Variants in ANKRD36 observed in about 807,000 individuals in gnomAD.
ANKRD36 encodes ankyrin repeat domain-containing protein 36A.
In ANKRD36, 179 loss-of-function variants were observed where a neutral mutation model predicts 278.1. That is an observed-to-expected ratio of 0.64 (90% CI 0.57 to 0.73). The LOEUF (loss-of-function observed/expected upper bound fraction) is 0.73, where lower values mean the gene tolerates loss of function less well. Ranked by LOEUF, ANKRD36 falls within the 30% of genes least tolerant of loss-of-function variation. The pLI is 0.00. For missense variants in ANKRD36, 1,159 were observed against 1,956.7 expected, an observed-to-expected ratio of 0.59 and a Z score of 7.69; for synonymous variants, 320 against 641.1, an observed-to-expected ratio of 0.50 and a Z score of 7.57.
chr2:97,160,424 A>C (rs981860252), intron 17 of ANKRD36, among the ~76,000 whole-genome samples: 1 of 152,146 alleles, frequency 6.6e-6, no homozygotes, highest in African/African-American at 2.4e-5. Flanking sequence ...AAGCATTATT[A>C]ACTTTAGTAT....
At chr2:97,261,072 A>C (rs1289776627) in intron 75 of ANKRD36, among the ~76,000 whole-genome samples, 1 of 125,758 alleles carries the variant, frequency 8.0e-6, no homozygotes, top group African/African-American at 3.5e-5. Context: ...CACATCAGCA[A>C]TAATACCATT....
intron 28 of ANKRD36, among the ~76,000 whole-genome samples, chr2:97,184,947 G>A (rs1427742023): frequency 6.6e-6 from 1 of 151,724 alleles, no homozygotes; most frequent in African/African-American, 2.4e-5. Flanking sequence ...TACCTTGCAT[G>A]AAAGACATGG....
chr2:97,142,231 A>G (rs548125872), intron 6 of ANKRD36, among the ~76,000 whole-genome samples: 1 of 152,398 alleles, frequency 6.6e-6, no homozygotes, highest in African/African-American at 2.4e-5. Flanking sequence ...TGGTTGTAGT[A>G]TAATGGTGTA....
chr2:97,213,130 G>T, intron 58 of ANKRD36: 1 of 380,142 alleles, frequency 2.6e-6, no homozygotes, highest in South Asian at 2.9e-5. Flanking sequence ...GATCACATTT[G>T]TCCTCATCAC....
rs748358803 is a variant in ANKRD36, at chr2:97,202,337, A to T, written c.2903A>T (p.Glu968Val). ...PPALKGTSDEEDSVLGIAREN... is the reference protein window; with the variant it reads ...PPALKGTSDEVDSVLGIAREN... Reference sequence around the variant, plus strand: ...TCCATTCAGGGTACAAGTGACGAGGAAGATTCTGTTTTGGGTATAGCCAGA... The same window carrying T: ...TCCATTCAGGGTACAAGTGACGAGGTAGATTCTGTTTTGGGTATAGCCAGA... Residue 968 changes from glutamate (E) to valine (V), a missense_variant, in exon 48 of 76, where the codon GAA (glutamate) becomes GTA (valine). Transcript: ENST00000420699. 3 of 1,569,236 alleles carry T rather than the reference A, an allele frequency of 1.9e-6. No individual in the cohort carries two copies. The highest frequency in any genetic ancestry group is 2.6e-6 in the Non-Finnish European group (3 of 1,161,322).
intron 67 of ANKRD36, among the ~76,000 whole-genome samples, chr2:97,228,436 A>T (rs1383317954): frequency 6.6e-6 from 1 of 152,112 alleles, no homozygotes; most frequent in Admixed American, 6.5e-5. Context: ...AGGTGTTTGT[A>T]GTATTCTCTG....
intron 42 of ANKRD36, 132 bp downstream of exon 42, chr2:97,196,920 A>G (rs950555420): frequency 1.9e-5 from 26 of 1,387,000 alleles, no homozygotes; most frequent in African/African-American, 1.2e-4. Context: ...CTTCATTTGC[A>G]GTAGGTTCTT....
chr2:97,140,795 A>T (rs1236898423), intron 6 of ANKRD36, among the ~76,000 whole-genome samples: 1 of 152,060 alleles, frequency 6.6e-6, no homozygotes, highest in Non-Finnish European at 1.5e-5. Flanking sequence ...AGGGCAAAGA[A>T]TGAAGTCCAC....
chr2:97,227,611 C>G, intron 67 of ANKRD36, among the ~76,000 whole-genome samples: 1 of 152,098 alleles, frequency 6.6e-6, no homozygotes, highest in East Asian at 2.0e-4. Flanking sequence ...ATTGAATACC[C>G]TTTATTTCCT....
At chr2:97,210,434 C>T (rs2064126828) in intron 56 of ANKRD36, among the ~76,000 whole-genome samples, 1 of 151,794 alleles carries the variant, frequency 6.6e-6, no homozygotes, top group Admixed American at 6.6e-5. Context: ...AGAATATTTT[C>T]ATTAAAAAAT....
intron 40 of ANKRD36, 144 bp downstream of exon 40, chr2:97,195,061 T>A: frequency 7.9e-7 from 1 of 1,270,684 alleles, no homozygotes. Flanking sequence ...GTTCTTGGGT[T>A]ATGCTGATGC....
chr2:97,150,565 C>T (rs1430916059), intron 12 of ANKRD36, among the ~76,000 whole-genome samples: 3 of 151,980 alleles, frequency 2.0e-5, no homozygotes, highest in African/African-American at 7.2e-5. Flanking sequence ...TATTAAATGT[C>T]TTGAATGTTT....
rs1279005587 is a variant in ANKRD36, at chr2:97,156,110, A to G, written c.1260+1369A>G. On this transcript the variant is annotated intron_variant, in intron 15 of 75. Coordinates refer to ENST00000420699, the MANE Select transcript of ANKRD36 (RefSeq NM_001354587.1). ...AAAGGCGGATACAGCGTGTTTTCTA[A>G]TATCTTCCAACTGGAAGCTTAGATT... Among the ~76,000 whole-genome samples, 3 of 146,948 alleles carry G rather than the reference A, an allele frequency of 2.0e-5. 1 individual carries two copies. Among genetic ancestry groups the G allele is most frequent in the African/African-American group, 7.3e-5 (3 of 41,244 alleles).
rs934444205 is a variant in ANKRD36, at chr2:97,243,956, T to G, written c.4418T>G (p.Val1473Gly). ...TEEQYRIEAD[V>G]TKPIKPALKS... is the part of the protein sequence containing the mutation. ...GAGCAATATAGGATAGAAGCTGATG[T>G]GACAAAACCAATTAAACCGGCTCTC... Residue 1473 changes from valine to glycine, a missense_variant, in exon 70 of 76, where the codon GTG becomes GGG. Val to Gly is a moderately radical substitution (Grantham distance 109, BLOSUM62 -3). Transcript: ENST00000420699. 6.3e-7 allele frequency: 1 copy of G among 1,598,284 alleles called. No homozygotes were observed. The highest frequency in any genetic ancestry group is 8.5e-7 in the Non-Finnish European group (1 of 1,174,012).
chr2:97,228,970 G>T (rs574202834), intron 67 of ANKRD36, among the ~76,000 whole-genome samples: 3 of 152,094 alleles, frequency 2.0e-5, no homozygotes, highest in African/African-American at 7.2e-5. Flanking sequence ...TTAATCCTGA[G>T]TTCTAGTTTG....
intron 1 of ANKRD36, among the ~76,000 whole-genome samples, chr2:97,116,779 T>C (rs2035503144): frequency 2.6e-5 from 4 of 152,082 alleles, no homozygotes; most frequent in Non-Finnish European, 4.4e-5. Flanking sequence ...AAAATGAAAA[T>C]GAGCAAATAT....
At chr2:97,158,900 A>G (rs1025171228) in intron 17 of ANKRD36, among the ~76,000 whole-genome samples, 2 of 152,106 alleles carry the variant, frequency 1.3e-5, no homozygotes, top group African/African-American at 4.8e-5. Context: ...AGGGAAATGT[A>G]TGCATGGGAC....
chr2:97,233,539 C>T (rs1430850608), intron 67 of ANKRD36, among the ~76,000 whole-genome samples, 191 bp from the exon 68 acceptor site: 1 of 152,070 alleles, frequency 6.6e-6, no homozygotes, highest in Non-Finnish European at 1.5e-5. Context: ...AACTGGGAAA[C>T]TAATTTATCC....
At chr2:97,171,406 A>G (rs1412972468) in intron 22 of ANKRD36, among the ~76,000 whole-genome samples, 4 of 147,882 alleles carry the variant, frequency 2.7e-5, no homozygotes, top group African/African-American at 7.5e-5. Context: ...TTGAAGGGAC[A>G]TGGATGAAAT....
Sources: gnomAD v4.1 joint callset for allele counts (sites outside exome capture counted in the v4.1 genomes callset) on GRCh38, gnomAD v4.1.1 for gene constraint, MANE v1.5 for transcripts, NCBI Gene and HGNC (gene_info 2026-07-23, HGNC 2026-07-21) for gene names.